The following ART3 variants were observed in gnomAD, a reference collection of about 807,000 sequenced individuals.
The protein encoded by ART3 is ADP-ribosyltransferase 3 (inactive), also known as ecto-ADP-ribosyltransferase 3.
ART3 carries 49 observed loss-of-function variants against 48.5 expected under a neutral mutation model. That is an observed-to-expected ratio of 1.01 (90% CI 0.80 to 1.28). The LOEUF is 1.28. Among genes scored for constraint, ART3 ranks in the 50% most tolerant of loss-of-function variants. ART3 has a pLI of 0.00. For synonymous variants in ART3, 145 were observed against 157.2 expected, an observed-to-expected ratio of 0.92 and a Z score of 0.58; for missense variants, 438 against 454.3, an observed-to-expected ratio of 0.96 and a Z score of 0.33.
intron 1 of ART3, among the ~76,000 whole-genome samples, chr4:76,044,271 G>A (rs1198745461): frequency 2.6e-5 from 4 of 151,888 alleles, no homozygotes; most frequent in African/African-American, 4.8e-5. Context: ...AACGCCGGGC[G>A]GCATCTCATA....
At chr4:76,077,743 G>A (rs900457318) in intron 2 of ART3, among the ~76,000 whole-genome samples, 3 of 152,062 alleles carry the variant, frequency 2.0e-5, no homozygotes, top group Admixed American at 6.6e-5. Context: ...TGGGTTGTAC[G>A]GTAATTTTAT....
At chr4:76,027,305 T>A (rs1036966545) in intron 1 of ART3, among the ~76,000 whole-genome samples, 1 of 151,970 alleles carries the variant, frequency 6.6e-6, no homozygotes, top group African/African-American at 2.4e-5. Flanking sequence ...AAATGAGTGG[T>A]ATAGAAAATA....
intron 2 of ART3, among the ~76,000 whole-genome samples, chr4:76,081,398 G>T (rs1722433697): frequency 1.3e-5 from 2 of 152,192 alleles, no homozygotes; most frequent in African/African-American, 4.8e-5. Flanking sequence ...AAAGGGTAAT[G>T]TTTGTCATTA....
chr4:76,055,492 TAAG>T (rs1209125204), intron 1 of ART3, among the ~76,000 whole-genome samples: 1 of 152,182 alleles, frequency 6.6e-6, no homozygotes, highest in Non-Finnish European at 1.5e-5. Flanking sequence ...CACATTTAGT[TAAG>T]AAGCGGGGTC....
chr4:76,096,557 T>G (rs951937865), intron 3 of ART3, among the ~76,000 whole-genome samples: 15 of 152,364 alleles, frequency 9.8e-5, no homozygotes, highest in Non-Finnish European at 2.2e-4. Flanking sequence ...ACGAGGCATC[T>G]AGACCTTTGT....
intron 3 of ART3, among the ~76,000 whole-genome samples, chr4:76,086,762 A>G (rs1723676886): frequency 6.6e-6 from 1 of 152,206 alleles, no homozygotes; most frequent in South Asian, 2.1e-4. Context: ...ATTCTCACCA[A>G]CCATACATTG....
chr4:76,040,091 G>A (rs1422297529), intron 1 of ART3, among the ~76,000 whole-genome samples: 4 of 152,182 alleles, frequency 2.6e-5, no homozygotes, highest in Admixed American at 1.3e-4. Context: ...TTGGGAGACC[G>A]AGGCAGGCGG....
chr4:76,111,492 TCTTC>T (rs1227356546), intron 11 of ART3, among the ~76,000 whole-genome samples: 1 of 152,230 alleles, frequency 6.6e-6, no homozygotes, highest in African/African-American at 2.4e-5. Flanking sequence ...ATGTGTTTTC[TCTTC>T]CTTATGATTT....
chr4:76,020,870 T>TA lies in ART3; in HGVS notation c.-10+9560dup, dbSNP rs563494575. ...CCCTGTGTCTAAAAAAATAAGAGATTAAAAAAAAAAGAAATTTGGCTATAG... is the reference window on the plus strand; with the variant it reads ...CCCTGTGTCTAAAAAAATAAGAGATTAAAAAAAAAAAGAAATTTGGCTATAG... On this transcript the variant is annotated intron_variant, in intron 1 of 9. Coordinates refer to the ART3 transcript ENST00000341029. 1.0e-4 allele frequency among the ~76,000 whole-genome samples: 15 copies of TA among 148,350 alleles called. No homozygotes were observed. In the South Asian group the frequency reaches 1.7e-3, roughly 17 times the overall value.
intron 4 of ART3, among the ~76,000 whole-genome samples, chr4:76,098,383 T>C (rs188201498): frequency 6.6e-6 from 1 of 152,270 alleles, no homozygotes; most frequent in Non-Finnish European, 1.5e-5. Flanking sequence ...GATTTCCTCA[T>C]TAAAAAGTTT....
At chr4:76,040,437 TACACACACAC>T (rs748020159) in intron 1 of ART3, among the ~76,000 whole-genome samples, 19 of 88,476 alleles carry the variant, frequency 2.1e-4, no homozygotes, top group Non-Finnish European at 2.9e-4. Flanking sequence ...ATACACTGGA[TACACACACAC>T]ACACACACAC....
intron 2 of ART3, 132 bp downstream of exon 2, chr4:76,076,090 C>T (rs976043665): frequency 1.5e-4 from 113 of 733,842 alleles, no homozygotes; most frequent in Non-Finnish European, 2.2e-4. Context: ...CTGCAAGCTC[C>T]GCCTCCCAGG....
intron 2 of ART3, among the ~76,000 whole-genome samples, chr4:76,076,241 T>C (rs943592273): frequency 6.6e-6 from 1 of 152,070 alleles, no homozygotes; most frequent in African/African-American, 2.4e-5. Context: ...CCTGACCTCA[T>C]GATCCGCCCA....
intron 8 of ART3, among the ~76,000 whole-genome samples, chr4:76,102,293 A>T (rs984781348): frequency 3.9e-5 from 6 of 152,148 alleles, no homozygotes; most frequent in Non-Finnish European, 2.9e-5. Context: ...TGAAGATTTT[A>T]AAATGGCCAA....
In ART3 at chr4:76,082,253, G is replaced by C; in HGVS notation, c.499G>C (p.Gly167Arg). ...SKTVVYRTSQ[G>R]TSFTFGGLNQ... ...AACTGTGGTATATAGAACAAGCCAG[G>C]GCACTTCATTTACATTTGGAGGGCT... is the stretch of plus-strand genomic sequence containing the variant. The change falls in exon 3 of 12, where the codon GGC (glycine) becomes CGC (arginine). Residue 167 changes from glycine to arginine, a missense_variant. Gly to Arg is a moderately radical substitution (Grantham distance 125). This residue lies in a region of ART3 where 206 missense variants were observed against 205.3 expected (regional missense o/e 1.00). Transcript: ENST00000355810. The C allele has an allele frequency of 6.2e-7, 1 of 1,614,140 alleles. No homozygotes were observed. The highest frequency in any genetic ancestry group is 8.5e-7 in the Non-Finnish European group (1 of 1,180,028).
chr4:76,045,807 T>A lies in ART3; in HGVS notation c.-9-30074T>A, dbSNP rs189340185. On this transcript the variant is annotated intron_variant, in intron 1 of 9. Coordinates refer to the ART3 transcript ENST00000341029. ...CTGGCTATCTTGCTGTATCTGGAGA[T>A]CCATAGTCAGCAAAAGCCAGTAATT... Among the ~76,000 whole-genome samples, 94 of 152,078 alleles carry A rather than the reference T, an allele frequency of 6.2e-4. 1 individual carries two copies. Among genetic ancestry groups the A allele is most frequent in the Non-Finnish European group, 1.2e-3 (83 of 67,940 alleles).
intron 10 of ART3, among the ~76,000 whole-genome samples, chr4:76,107,002 C>G (rs1015772595): frequency 2.0e-5 from 3 of 152,150 alleles, no homozygotes; most frequent in African/African-American, 4.8e-5. Flanking sequence ...CTCTTTTTCA[C>G]TTTCTGTACA....
At chr4:76,021,813 T>G (rs1175655613) in intron 1 of ART3, 9 of 1,034,838 alleles carry the variant, frequency 8.7e-6, no homozygotes, top group Non-Finnish European at 1.4e-5. Flanking sequence ...TTAGTGTAAC[T>G]GCAAACTAAG....
At chr4:76,049,731 G>A (rs553198344) in intron 1 of ART3, among the ~76,000 whole-genome samples, 23 of 151,952 alleles carry the variant, frequency 1.5e-4, no homozygotes, top group Non-Finnish European at 2.7e-4. Flanking sequence ...CTCACCGCTC[G>A]GCGATAGGCG....
Sources: allele counts gnomAD v4.1 joint callset (sites outside exome capture counted in the v4.1 genomes callset), GRCh38; gene constraint gnomAD v4.1.1; regional missense constraint gnomAD v4.1.1; transcripts MANE v1.5; gene names NCBI Gene and HGNC (gene_info 2026-07-23, HGNC 2026-07-21).